GPHN: variants seen among roughly 807,000 people sequenced by gnomAD.
GPHN encodes gephyrin.
GPHN carries 17 observed loss-of-function variants against 95.5 expected under a neutral mutation model. The ratio of observed to expected loss-of-function variants is 0.18; its 90% confidence interval spans 0.12 to 0.27. The LOEUF (loss-of-function observed/expected upper bound fraction) is 0.27. Ranked by LOEUF, GPHN falls within the 10% of genes least tolerant of loss-of-function variation. GPHN has a pLI of 1.00. For missense variants in GPHN, 660 were observed against 978.1 expected, an observed-to-expected ratio of 0.67 and a Z score of 4.34; for synonymous variants, 320 against 322.5, an observed-to-expected ratio of 0.99 and a Z score of 0.08.
intron 2 of GPHN, among the ~76,000 whole-genome samples, chr14:66,736,994 T>C (rs562495988): frequency 5.0e-4 from 76 of 152,298 alleles, no homozygotes; most frequent in Middle Eastern, 3.4e-3. Flanking sequence ...AGTTTGTTTC[T>C]CCAGTCCTAA....
At chr14:66,835,276 G>C (rs992666199) in intron 4 of GPHN, among the ~76,000 whole-genome samples, 3 of 147,998 alleles carry the variant, frequency 2.0e-5, no homozygotes, top group Admixed American at 6.8e-5. Flanking sequence ...TCTGATTTTA[G>C]TTATTTCTTG....
chr14:67,609,891 G>A, the GPHN span, among the ~76,000 whole-genome samples: 1 of 126,044 alleles, frequency 7.9e-6, no homozygotes, highest in Non-Finnish European at 1.5e-5. Context: ...GAAAGGGCGA[G>A]TCTGCACAAG....
At chr14:67,402,574 G>T in the GPHN span, among the ~76,000 whole-genome samples, 1 of 152,034 alleles carries the variant, frequency 6.6e-6, no homozygotes, top group Non-Finnish European at 1.5e-5. Flanking sequence ...CTCCCCGGCA[G>T]CCCCTCACCC....
chr14:66,546,193 C>T (rs1376268535), intron 1 of GPHN, among the ~76,000 whole-genome samples: 1 of 150,852 alleles, frequency 6.6e-6, no homozygotes, highest in Non-Finnish European at 1.5e-5. Flanking sequence ...AAGAGGCGCT[C>T]CTCACTTCCT....
chr14:66,517,616 C>A (rs186408589), intron 1 of GPHN, among the ~76,000 whole-genome samples: 1 of 152,084 alleles, frequency 6.6e-6, no homozygotes, highest in Non-Finnish European at 1.5e-5. Flanking sequence ...GGAACAGAAT[C>A]GAGAACCCAG....
At chr14:67,435,753 C>T in the GPHN span, among the ~76,000 whole-genome samples, 2 of 152,218 alleles carry the variant, frequency 1.3e-5, no homozygotes, top group Admixed American at 1.3e-4. Context: ...CTAACAGGAC[C>T]TTTCTGCCTT....
At chr14:67,509,438 C>T in the GPHN span, among the ~76,000 whole-genome samples, 1 of 152,172 alleles carries the variant, frequency 6.6e-6, no homozygotes, top group Admixed American at 6.5e-5. Flanking sequence ...CCTGCCTCAG[C>T]CTCCCAAGTA....
Position 66,719,405 on chromosome 14 carries a change from G to A in GPHN, c.143+38220G>A, listed in dbSNP as rs74426771. ...TCTTTTCCCATAAACTAGACATTAAGTTTCCCCAGTGAGGATGTGTGTTCG... is the reference window on the plus strand; with the variant it reads ...TCTTTTCCCATAAACTAGACATTAAATTTCCCCAGTGAGGATGTGTGTTCG... On this transcript the variant is annotated intron_variant, in intron 2 of 22. Transcript: ENST00000478722. 3.0e-3 allele frequency among the ~76,000 whole-genome samples: 457 copies of A among 152,266 alleles called. 3 individuals carry two copies. Among genetic ancestry groups the A allele is most frequent in the African/African-American group, 0.011 (439 of 41,560 alleles).
At chr14:66,630,438 G>T (rs1044490834) in intron 1 of GPHN, among the ~76,000 whole-genome samples, 17 of 152,030 alleles carry the variant, frequency 1.1e-4, no homozygotes, top group Non-Finnish European at 1.8e-4. Context: ...ATAAAGAATG[G>T]CAAGTTTAAT....
At chr14:67,360,154 T>C in the GPHN span, 7 of 409,886 alleles carry the variant, frequency 1.7e-5, no homozygotes, top group Admixed American at 2.6e-4. Context: ...GAGTCCTATG[T>C]CTTTCTCGCG....
chr14:66,951,073 T>C (rs1418382237), intron 8 of GPHN, among the ~76,000 whole-genome samples: 1 of 152,022 alleles, frequency 6.6e-6, no homozygotes, highest in Non-Finnish European at 1.5e-5. Flanking sequence ...TACAGGCACC[T>C]GCCACCATGC....
At chr14:67,154,391 A>G (rs1296404872) in intron 18 of GPHN, among the ~76,000 whole-genome samples, 2 of 152,138 alleles carry the variant, frequency 1.3e-5, no homozygotes, top group Non-Finnish European at 2.9e-5. Context: ...ACAAATTATA[A>G]TTATTTTATT....
the GPHN span, among the ~76,000 whole-genome samples, chr14:67,541,249 C>T: frequency 6.6e-6 from 1 of 152,140 alleles, no homozygotes; most frequent in East Asian, 1.9e-4. Flanking sequence ...AACTGGGAAC[C>T]GGGGTTCTGC....
At chr14:66,935,268 A>G (rs1348105679) in intron 8 of GPHN, among the ~76,000 whole-genome samples, 1 of 152,156 alleles carries the variant, frequency 6.6e-6, no homozygotes, top group Non-Finnish European at 1.5e-5. Context: ...CATTTCACTG[A>G]CAGAAATTAA....
the GPHN span, chr14:67,381,752 A>T: frequency 2.5e-6 from 3 of 1,179,510 alleles, no homozygotes; most frequent in Non-Finnish European, 3.6e-6. Flanking sequence ...AGGATCTTTG[A>T]TCTTTGTTTC....
intron 5 of GPHN, among the ~76,000 whole-genome samples, chr14:66,895,879 A>G (rs1228043369): frequency 1.3e-5 from 2 of 152,192 alleles, no homozygotes; most frequent in Non-Finnish European, 2.9e-5. Context: ...AAAATTGACT[A>G]TTGTCCTGGT....
At chr14:67,175,068 G>T (rs1446159904) in intron 21 of GPHN, among the ~76,000 whole-genome samples, 1 of 152,134 alleles carries the variant, frequency 6.6e-6, no homozygotes, top group Non-Finnish European at 1.5e-5. Context: ...CTGTGTAGAA[G>T]CTCTTTAGTT....
At chr14:66,584,707 T>G (rs1387105279) in intron 1 of GPHN, among the ~76,000 whole-genome samples, 1 of 152,204 alleles carries the variant, frequency 6.6e-6, no homozygotes, top group Non-Finnish European at 1.5e-5. Context: ...TTTTCGTATG[T>G]TGAGCCAGCC....
chr14:66,928,263 T>C (rs1234377347), intron 8 of GPHN, among the ~76,000 whole-genome samples: 1 of 152,212 alleles, frequency 6.6e-6, no homozygotes, highest in African/African-American at 2.4e-5. Flanking sequence ...TGGTAGGTTG[T>C]ATGCATCTAG....
Sources: gnomAD v4.1 joint callset for allele counts (sites outside exome capture counted in the v4.1 genomes callset) on GRCh38, gnomAD v4.1.1 for gene constraint, MANE v1.5 for transcripts, NCBI Gene and HGNC (gene_info 2026-07-23, HGNC 2026-07-21) for gene names.